TOM1L1: variants seen among roughly 807,000 people sequenced by gnomAD.
TOM1L1 encodes the protein target of myb1 like 1 membrane trafficking protein, also known as TOM1-like protein 1.
TOM1L1 carries 64 observed loss-of-function variants against 63.4 expected under a neutral mutation model. That is an observed-to-expected ratio of 1.01 (90% CI 0.83 to 1.24). TOM1L1 has a LOEUF of 1.24. TOM1L1 is among the 50% of genes most tolerant of loss of function. TOM1L1 has a pLI of 0.00. For missense variants in TOM1L1, 536 were observed against 567.0 expected (o/e 0.95, Z 0.55); for synonymous variants, 166 against 194.4 (o/e 0.85, Z 1.22).
At chr17:54,944,561 T>G (rs2049087163) in intron 11 of TOM1L1, among the ~76,000 whole-genome samples, 1 of 152,242 alleles carries the variant, frequency 6.6e-6, no homozygotes, top group South Asian at 2.1e-4. Flanking sequence ...CTGAAGAATT[T>G]TCTTTATCAG....
chr17:54,917,880 A>G (rs1321433049), intron 7 of TOM1L1, among the ~76,000 whole-genome samples: 3 of 151,994 alleles, frequency 2.0e-5, no homozygotes, highest in Non-Finnish European at 2.9e-5. Flanking sequence ...TGTATTCTCT[A>G]TTTTTTTCCT....
chr17:54,912,638 A>G (rs1598008953), intron 3 of TOM1L1, 28 bp from the exon 4 acceptor site: 3 of 1,491,394 alleles, frequency 2.0e-6, no homozygotes, highest in South Asian at 1.5e-5. Context: ...CCAGATAAAT[A>G]TAATGTTTAA....
At chr17:54,935,314 G>T in intron 8 of TOM1L1, among the ~76,000 whole-genome samples, 1 of 152,104 alleles carries the variant, frequency 6.6e-6, no homozygotes, top group African/African-American at 2.4e-5. Context: ...GCCAGGAGAA[G>T]GAATTTCACA....
rs781043587 is a variant in TOM1L1, at chr17:54,936,662, CAACAAAGG to C, written c.870_877del (p.Gln290HisfsTer6). ...TCATTTAAACAGGTTTACTAGAAAC[CAACAAAGG>C]ATTTTGGAGCAAAATAAGAACCAGA... On this transcript the variant is annotated frameshift_variant, in exon 9 of 16. Transcript: ENST00000575882. LOFTEE classifies it high-confidence loss of function. 2 of 1,603,964 alleles carry C rather than the reference CAACAAAGG, an allele frequency of 1.2e-6. No homozygotes were observed. The highest frequency in any genetic ancestry group is 1.7e-6 in the Non-Finnish European group (2 of 1,176,834).
In TOM1L1 at chr17:54,915,899, C is replaced by G. The variant is rs567237605; in HGVS notation, c.720+37C>G. 4 of 1,506,686 alleles carry G rather than the reference C, an allele frequency of 2.7e-6. No individual in the cohort carries two copies. The African/African-American group carries it at 5.5e-5, about 21-fold the overall frequency. The allele number at this position is 1,506,686 out of a possible 1,614,324, so 93.3% of individuals were successfully genotyped here. A position where few individuals can be genotyped will look rare whatever the true frequency, so the allele number is the denominator to read the frequency against. On this transcript the variant is annotated intron_variant, in intron 7 of 15. Coordinates refer to ENST00000575882, the MANE Select transcript of TOM1L1 (RefSeq NM_005486.3). ...TTTCAGGGACTATCAGTCAAAGTGT[C>G]TCTTAAAGTTATTCTCTAAACTTTG...
intron 11 of TOM1L1, among the ~76,000 whole-genome samples, chr17:54,939,920 T>C (rs556794527): frequency 3.9e-5 from 6 of 152,304 alleles, no homozygotes; most frequent in African/African-American, 1.2e-4. Context: ...GAACTAGAAC[T>C]TGCCCAAGTT....
At chr17:54,944,693 C>G (rs1260620622) in intron 11 of TOM1L1, among the ~76,000 whole-genome samples, 1 of 152,202 alleles carries the variant, frequency 6.6e-6, no homozygotes, top group East Asian at 1.9e-4. Context: ...GCTCATGCTT[C>G]TATTCTTTCA....
At chr17:54,922,755 T>C (rs1433803248) in intron 7 of TOM1L1, among the ~76,000 whole-genome samples, 2 of 152,186 alleles carry the variant, frequency 1.3e-5, no homozygotes, top group African/African-American at 2.4e-5. Flanking sequence ...CTTTCTGTCT[T>C]GGGTGGCAGA....
Position 54,961,387 on chromosome 17 carries a change from A to G in TOM1L1, c.*154A>G. ...GCTATAATGAAGATTAAATAGAATA[A>G]CAGTTCCAGGATAACACTGATTCCT... is the stretch of plus-strand genomic sequence containing the variant. On this transcript the variant is annotated 3_prime_UTR_variant, in exon 16 of 16. Transcript: ENST00000575882. The G allele has an allele frequency of 6.5e-7, 1 of 1,548,632 alleles. No individual in the cohort carries two copies. The highest frequency in any genetic ancestry group is 2.4e-5 in the East Asian group (1 of 40,882).
chr17:54,936,237 A>G (rs1355113729), intron 8 of TOM1L1, among the ~76,000 whole-genome samples: 2 of 152,218 alleles, frequency 1.3e-5, no homozygotes, highest in African/African-American at 4.8e-5. Context: ...TAGAGTGGTT[A>G]AAAGTGTGAT....
intron 7 of TOM1L1, chr17:54,917,234 A>T (rs2048605474): frequency 6.6e-6 from 1 of 152,118 alleles, no homozygotes; most frequent in Non-Finnish European, 1.5e-5. Flanking sequence ...TTAAATATTG[A>T]CTTTCTACCA....
At chr17:54,908,995 A>G (rs2048455864) in intron 3 of TOM1L1, among the ~76,000 whole-genome samples, 1 of 152,196 alleles carries the variant, frequency 6.6e-6, no homozygotes, top group Non-Finnish European at 1.5e-5. Flanking sequence ...GCAGTGGCTC[A>G]TGCCTGTAAT....
chr17:54,901,237 A>C, intron 1 of TOM1L1: 2 of 415,996 alleles, frequency 4.8e-6, no homozygotes, highest in African/African-American at 2.0e-5. Context: ...AGACACCAGA[A>C]ACTTCTCGGT....
chr17:54,914,361 A>G (rs2143778773), intron 5 of TOM1L1, among the ~76,000 whole-genome samples: 1 of 123,194 alleles, frequency 8.1e-6, no homozygotes, highest in African/African-American at 2.8e-5. Flanking sequence ...TATCACTTAG[A>G]CCCTTGGTTA....
chr17:54,936,135 A>C (rs565633734), intron 8 of TOM1L1, among the ~76,000 whole-genome samples: 1 of 151,636 alleles, frequency 6.6e-6, no homozygotes, highest in Admixed American at 6.6e-5. Context: ...AAAAAAAAAA[A>C]ACCACAGTGA....
intron 7 of TOM1L1, among the ~76,000 whole-genome samples, chr17:54,924,647 T>C (rs1435246567): frequency 6.6e-6 from 1 of 152,232 alleles, no homozygotes; most frequent in Non-Finnish European, 1.5e-5. Flanking sequence ...TGCATGGTCG[T>C]CAGCTGTCTT....
At chr17:54,929,634 C>G (rs932227040) in intron 7 of TOM1L1, among the ~76,000 whole-genome samples, 2 of 152,034 alleles carry the variant, frequency 1.3e-5, no homozygotes, top group Non-Finnish European at 1.5e-5. Context: ...TATAGAGTTC[C>G]TCATTACACA....
chr17:54,926,136 G>A (rs1039874584), intron 7 of TOM1L1, among the ~76,000 whole-genome samples: 5 of 152,268 alleles, frequency 3.3e-5, no homozygotes, highest in South Asian at 2.1e-4. Flanking sequence ...CTTGCTCTTT[G>A]TTAGACTCTT....
chr17:54,934,077 C>G lies in TOM1L1; in HGVS notation c.855-2572C>G, dbSNP rs1326090954. 2.0e-5 allele frequency among the ~76,000 whole-genome samples: 3 copies of G among 152,210 alleles called. No homozygotes were observed. The East Asian group carries it at 5.8e-4, about 29-fold the overall frequency. On this transcript the variant is annotated intron_variant, in intron 8 of 15. Coordinates refer to ENST00000575882, the MANE Select transcript of TOM1L1 (RefSeq NM_005486.3). ...CTTAGTCTGGCTCAGTGAATCTGCA[C>G]TTCTACATAAGCAGTAGGGCAGAGG...
Sources: gnomAD v4.1 joint callset for allele counts (sites outside exome capture counted in the v4.1 genomes callset) on GRCh38, gnomAD v4.1.1 for gene constraint, MANE v1.5 for transcripts, NCBI Gene and HGNC (gene_info 2026-07-23, HGNC 2026-07-21) for gene names.